XKR4: variants seen among roughly 807,000 people sequenced by gnomAD.
The protein encoded by XKR4 is XK related 4, also known as XK-related protein 4.
In XKR4, 12 loss-of-function variants were observed where a neutral mutation model predicts 53.9. The observed-to-expected ratio is 0.22, with a 90% confidence interval of 0.14 to 0.36. XKR4 has a LOEUF of 0.36. Ranked by LOEUF, XKR4 falls within the 10% of genes least tolerant of loss-of-function variation. The pLI, the probability that XKR4 is intolerant of heterozygous loss-of-function variation, is 1.00. For synonymous variants in XKR4, 354 were observed against 362.4 expected (o/e 0.98, Z 0.26); for missense variants, 799 against 859.5 (o/e 0.93, Z 0.88).
intron 1 of XKR4, among the ~76,000 whole-genome samples, chr8:55,156,262 T>G (rs910782304): frequency 4.6e-5 from 7 of 151,726 alleles, no homozygotes; most frequent in Admixed American, 4.6e-4. Context: ...GTTGGAACAC[T>G]CAGGGAAAAA....
At chr8:55,459,287 A>G (rs936761879) in intron 2 of XKR4, among the ~76,000 whole-genome samples, 2 of 152,240 alleles carry the variant, frequency 1.3e-5, no homozygotes, top group Non-Finnish European at 2.9e-5. Flanking sequence ...AAAATAGAAC[A>G]TAGACCTAAA....
At position 55,455,179 on chromosome 8, in the gene XKR4, G is replaced by C. The variant is rs545761160; in HGVS notation, c.1007-68102G>C. 1,798 of 511,264 alleles carry C rather than the reference G, an allele frequency of 3.5e-3. 9 individuals carry two copies. The highest frequency in any genetic ancestry group is 9.2e-3 in the Middle Eastern group (16 of 1,748). The allele number at this position is 511,264 out of a possible 1,614,324, so 31.7% of individuals were successfully genotyped here. A position where few individuals can be genotyped will look rare whatever the true frequency, so the allele number is the denominator to read the frequency against. ...GGCGGGCTCCGCGGCTCGGGGACTCGAGGGCTGCGCGCTCATGGCCCGGGC... is the reference window on the plus strand; with the variant it reads ...GGCGGGCTCCGCGGCTCGGGGACTCCAGGGCTGCGCGCTCATGGCCCGGGC... On this transcript the variant is annotated intron_variant, in intron 2 of 2. Coordinates refer to ENST00000327381, the MANE Select transcript of XKR4 (RefSeq NM_052898.2).
At chr8:55,269,300 T>A (rs1818655288) in intron 1 of XKR4, among the ~76,000 whole-genome samples, 1 of 152,110 alleles carries the variant, frequency 6.6e-6, no homozygotes, top group African/African-American at 2.4e-5. Flanking sequence ...AGCTGTGTTT[T>A]GAGGAGTTAG....
chr8:55,451,350 G>A (rs1805439683), intron 2 of XKR4: 2 of 652,512 alleles, frequency 3.1e-6, no homozygotes, highest in Non-Finnish European at 5.5e-6. Flanking sequence ...CTCTGGGGCT[G>A]CCAATGTGAC....
At chr8:55,313,496 G>A (rs768025209) in intron 1 of XKR4, among the ~76,000 whole-genome samples, 4 of 152,278 alleles carry the variant, frequency 2.6e-5, no homozygotes, top group Middle Eastern at 3.4e-3. Flanking sequence ...GTTACCCAGC[G>A]GCAGCATGCA....
intron 2 of XKR4, among the ~76,000 whole-genome samples, chr8:55,495,987 G>A (rs1357927387): frequency 3.3e-5 from 5 of 152,174 alleles, no homozygotes; most frequent in Admixed American, 1.3e-4. Context: ...TAACATCAAG[G>A]TCAAATTAAC....
At chr8:55,351,822 C>A (rs1803727718) in intron 1 of XKR4, among the ~76,000 whole-genome samples, 1 of 152,194 alleles carries the variant, frequency 6.6e-6, no homozygotes, top group South Asian at 2.1e-4. Context: ...ATTTTCCATA[C>A]AATAACCAAC....
intron 1 of XKR4, among the ~76,000 whole-genome samples, chr8:55,289,920 T>G (rs965484032): frequency 6.7e-6 from 1 of 149,668 alleles, no homozygotes; most frequent in Non-Finnish European, 1.5e-5. Context: ...GCCAAATTAT[T>G]GTCCAGAATA....
chr8:55,449,788 G>T, intron 2 of XKR4: 1 of 1,195,872 alleles, frequency 8.4e-7, no homozygotes, highest in Non-Finnish European at 1.2e-6. Context: ...GGGCCTTCCA[G>T]GGCTTCATGA....
At chr8:55,430,442 A>G (rs910942294) in intron 2 of XKR4, among the ~76,000 whole-genome samples, 21 of 152,228 alleles carry the variant, frequency 1.4e-4, no homozygotes, top group African/African-American at 5.1e-4. Flanking sequence ...TGATGATTCA[A>G]TTTATATAAC....
intron 1 of XKR4, among the ~76,000 whole-genome samples, chr8:55,111,615 T>G (rs763460032): frequency 2.0e-5 from 3 of 152,164 alleles, no homozygotes; most frequent in Non-Finnish European, 2.9e-5. Context: ...CAATTTTCAT[T>G]AAAAACACAT....
At chr8:55,136,360 T>C (rs1263437213) in intron 1 of XKR4, among the ~76,000 whole-genome samples, 2 of 152,250 alleles carry the variant, frequency 1.3e-5, no homozygotes, top group African/African-American at 2.4e-5. Flanking sequence ...TACTTGGGGT[T>C]GAATGAATGA....
chr8:55,379,407 T>C (rs1804199745), intron 2 of XKR4, among the ~76,000 whole-genome samples: 1 of 152,226 alleles, frequency 6.6e-6, no homozygotes, highest in South Asian at 2.1e-4. Context: ...ATTAGAAATG[T>C]TTCAAAGAAA....
chr8:55,210,049 T>G (rs963824762), intron 1 of XKR4, among the ~76,000 whole-genome samples: 3 of 151,610 alleles, frequency 2.0e-5, no homozygotes, highest in African/African-American at 7.3e-5. Context: ...AAACACAGAC[T>G]TCATCTTTTC....
Position 55,359,913 on chromosome 8 carries a change from C to G in XKR4, c.1006+2036C>G, listed in dbSNP as rs76983811. Among the ~76,000 whole-genome samples, 62 of 152,276 alleles carry G rather than the reference C, an allele frequency of 4.1e-4. 1 individual carries two copies. In the East Asian group the frequency reaches 7.5e-3, roughly 18 times the overall value. ...TGAGTCTTTGGCTCTTTCCTCACAT[C>G]TAGTGTCCCCAGCTAACCGATTAAG... On this transcript the variant is annotated intron_variant, in intron 2 of 2. Transcript: ENST00000327381.
intron 2 of XKR4, among the ~76,000 whole-genome samples, chr8:55,363,346 C>T (rs575937007): frequency 1.3e-5 from 2 of 152,266 alleles, no homozygotes; most frequent in South Asian, 4.1e-4. Flanking sequence ...AACAGTTTAT[C>T]CTGAATACTT....
At chr8:55,155,565 AAG>A (rs942480020) in intron 1 of XKR4, among the ~76,000 whole-genome samples, 4 of 151,594 alleles carry the variant, frequency 2.6e-5, no homozygotes, top group African/African-American at 4.9e-5. Flanking sequence ...AAAAAAAAAA[AAG>A]AAGTCGAGGA....
intron 2 of XKR4, among the ~76,000 whole-genome samples, chr8:55,503,869 G>A (rs370403418): frequency 3.3e-5 from 5 of 151,986 alleles, no homozygotes; most frequent in Admixed American, 6.6e-5. Flanking sequence ...TGATGAGGTA[G>A]TTTCCTTCTA....
chr8:55,384,248 G>T (rs553958374), intron 2 of XKR4, among the ~76,000 whole-genome samples: 224 of 152,256 alleles, frequency 1.5e-3, no homozygotes, highest in African/African-American at 5.0e-3. Context: ...TGTTGGAGTC[G>T]GGTCTTCCTT....
Sources: gnomAD v4.1 joint callset for allele counts (sites outside exome capture counted in the v4.1 genomes callset) on GRCh38, gnomAD v4.1.1 for gene constraint, MANE v1.5 for transcripts, NCBI Gene and HGNC (gene_info 2026-07-23, HGNC 2026-07-21) for gene names.